Variants in GPSM2 observed in about 807,000 individuals in gnomAD.
GPSM2 encodes G protein signaling modulator 2.
GPSM2 carries 58 observed loss-of-function variants against 78.4 expected under a neutral mutation model. The observed-to-expected ratio is 0.74, with a 90% CI of 0.60 to 0.92. GPSM2 has a LOEUF of 0.92. Among genes scored for constraint, GPSM2 ranks in the 40% least tolerant of loss-of-function variants. The probability of loss-of-function intolerance (pLI) is 0.00; values close to 1 mark genes in which losing one functional copy is unlikely to be tolerated. For missense variants in GPSM2, 700 were observed against 815.5 expected (o/e 0.86, Z 1.73); for synonymous variants, 224 against 280.2 (o/e 0.80, Z 2.00).
chr1:108,897,509 TG>T lies in GPSM2; in HGVS notation c.301del (p.Glu101LysfsTer12), dbSNP rs36018922. On this transcript the variant is annotated frameshift_variant, in exon 4 of 15. Transcript: ENST00000264126. LOFTEE classifies it high-confidence loss of function. ...TTTTTCAGGACTATTGGAGACCAGC[TG>T]GGGGAAGCGAAAGCTAGTGGTAATC... is the stretch of plus-strand genomic sequence containing the variant. Reference protein sequence around the residue: ...LTLARTIGDQLGEAKASGNLG... With the variant: ...LTLARTIGDQXGEAKASGNLG... 1 of 1,613,436 alleles carries T rather than the reference TG, an allele frequency of 6.2e-7. No homozygotes were observed. Among genetic ancestry groups the T allele is most frequent in the Non-Finnish European group, 8.5e-7 (1 of 1,179,722 alleles).
At position 108,931,890 on chromosome 1, in the gene GPSM2, AG is replaced by A. The variant is rs1420852852; in HGVS notation, c.*1951del. The A allele has an allele frequency of 1.2e-5, 2 of 160,222 alleles. No individual in the cohort carries two copies. The highest frequency in any genetic ancestry group is 2.7e-5 in the Non-Finnish European group (2 of 73,022). 9.9% of individuals were successfully genotyped at this position (160,222 alleles called of 1,614,324 possible). On this transcript the variant is annotated 3_prime_UTR_variant, in exon 15 of 15. Coordinates refer to ENST00000264126, the MANE Select transcript of GPSM2 (RefSeq NM_013296.5). Reference sequence around the variant, plus strand: ...TTGTGTATTATTTTGTGTATACAATAGTTCTTACAGCCTGTAAACATTCAAC... The same window carrying A: ...TTGTGTATTATTTTGTGTATACAATATTCTTACAGCCTGTAAACATTCAAC...
intron 10 of GPSM2, among the ~76,000 whole-genome samples, chr1:108,912,214 G>A (rs926274944): frequency 6.6e-6 from 1 of 152,072 alleles, no homozygotes; most frequent in African/African-American, 2.4e-5. Context: ...TTATTCATAA[G>A]TTTATATGAA....
chr1:108,928,618 G>T (rs569171786), intron 14 of GPSM2, among the ~76,000 whole-genome samples: 1 of 152,226 alleles, frequency 6.6e-6, no homozygotes, highest in African/African-American at 2.4e-5. Context: ...TACAATGCCA[G>T]AAACTATGGT....
chr1:108,918,282 T>C lies in GPSM2; in HGVS notation c.1264-331T>C, dbSNP rs12034212. Among the ~76,000 whole-genome samples the C allele has an allele frequency of 3.8e-4, 58 of 152,326 alleles. 1 individual carries two copies. In the East Asian group the frequency reaches 6.4e-3, roughly 17 times the overall value. On this transcript the variant is annotated intron_variant, in intron 11 of 14. Transcript: ENST00000264126. ...ATTCCAGTTGTAACAGATTTTTAAG[T>C]AACTCACGTCTAGAGTAAAACTTTG... is the stretch of plus-strand genomic sequence containing the variant.
intron 11 of GPSM2, among the ~76,000 whole-genome samples, chr1:108,917,886 A>T (rs986517531): frequency 6.6e-6 from 1 of 151,484 alleles, no homozygotes; most frequent in Non-Finnish European, 1.5e-5. Flanking sequence ...AGTAGGGTTT[A>T]TATGGCTTCC....
chr1:108,918,633 A>C lies in GPSM2; in HGVS notation c.1284A>C (p.Glu428Asp). 2 of 1,613,474 alleles carry C rather than the reference A, an allele frequency of 1.2e-6. No individual in the cohort carries two copies. Among genetic ancestry groups the C allele is most frequent in the African/African-American group, 1.3e-5 (1 of 75,036 alleles). Residue 428 changes from glutamate (E) to aspartate (D), a missense_variant, in exon 12 of 15, where the codon GAA (glutamate) becomes GAC (aspartate). Physicochemically the swap from Glu to Asp is conservative, Grantham distance 45. Coordinates refer to ENST00000264126, the MANE Select transcript of GPSM2 (RefSeq NM_013296.5). ...TGTAGGTACAGAACTGGAACAGTGAAATTCTTGCTAAGCAAAAACCTCTTA... is the reference window on the plus strand; with the variant it reads ...TGTAGGTACAGAACTGGAACAGTGACATTCTTGCTAAGCAAAAACCTCTTA... ...TPEKVQNWNS[E>D]ILAKQKPLIA... is the part of the protein sequence containing the mutation.
chr1:108,914,864 G>A (rs764053057), intron 11 of GPSM2, among the ~76,000 whole-genome samples: 7 of 152,134 alleles, frequency 4.6e-5, no homozygotes, highest in Admixed American at 4.6e-4. Context: ...TGAAATTTAT[G>A]ATCAAGAGGA....
intron 10 of GPSM2, 66 bp from the exon 11 acceptor site, chr1:108,914,272 A>C: frequency 9.7e-7 from 1 of 1,027,448 alleles, no homozygotes; most frequent in Non-Finnish European, 1.5e-6. Flanking sequence ...TGAATAATGT[A>C]ATGATGCTGA....
Position 108,918,748 on chromosome 1 carries a change from G to T in GPSM2, c.1399G>T (p.Ala467Ser), listed in dbSNP as rs1323969246. Residue 467 changes from alanine to serine, a missense_variant, in exon 12 of 15, where the codon GCC becomes TCC. Coordinates refer to ENST00000264126, the MANE Select transcript of GPSM2 (RefSeq NM_013296.5). ...TTCCTCCACTAAAGTTCTCCAAGAT[G>T]CCAGTAATTCTATTGACCACCGAAT... ...TNSSTKVLQD[A>S]SNSIDHRIPN... 1 of 1,613,488 alleles carries T rather than the reference G, an allele frequency of 6.2e-7. No individual in the cohort carries two copies. The highest frequency in any genetic ancestry group is 1.7e-5 in the Admixed American group (1 of 60,000).
chr1:108,894,101 T>C (rs951968583), intron 2 of GPSM2, among the ~76,000 whole-genome samples: 1 of 152,190 alleles, frequency 6.6e-6, no homozygotes, highest in South Asian at 2.1e-4. Context: ...TCTTTATACA[T>C]AGAATATGAC....
intron 10 of GPSM2, among the ~76,000 whole-genome samples, chr1:108,905,158 T>C (rs1283568737): frequency 6.6e-6 from 1 of 152,210 alleles, no homozygotes; most frequent in Non-Finnish European, 1.5e-5. Flanking sequence ...AATTTGTGAC[T>C]GCGTGCTTTG....
intron 11 of GPSM2, among the ~76,000 whole-genome samples, chr1:108,918,028 A>T (rs1330803446): frequency 1.3e-5 from 2 of 152,122 alleles, no homozygotes; most frequent in African/African-American, 4.8e-5. Flanking sequence ...TAAAGCTGCA[A>T]ATGTCAGAGC....
At chr1:108,903,388 G>A (rs1211579852) in intron 9 of GPSM2, among the ~76,000 whole-genome samples, 154 bp downstream of exon 9, 1 of 152,142 alleles carries the variant, frequency 6.6e-6, no homozygotes, top group Admixed American at 6.5e-5. Flanking sequence ...AAAGCATTTT[G>A]AGGTACAGAT....
At chr1:108,898,493 T>A in intron 5 of GPSM2, 149 bp from the exon 6 acceptor site, 1 of 683,674 alleles carries the variant, frequency 1.5e-6, no homozygotes, top group Non-Finnish European at 2.5e-6. Context: ...ATAATTGCTC[T>A]TCATCATAGA....
At chr1:108,906,451 G>A (rs1255325158) in intron 10 of GPSM2, among the ~76,000 whole-genome samples, 1 of 151,286 alleles carries the variant, frequency 6.6e-6, no homozygotes, top group Non-Finnish European at 1.5e-5. Context: ...AACAATCTTA[G>A]TATAAGCTAC....
intron 1 of GPSM2, 25 bp downstream of exon 1, chr1:108,877,253 C>T (rs34254854): frequency 0.091 from 13,918 of 152,256 alleles, 691 homozygotes; most frequent in Non-Finnish European, 0.1. Flanking sequence ...GACGCGGGTT[C>T]TGAGGCGTTT....
chr1:108,895,477 G>A (rs1648284198), intron 2 of GPSM2, among the ~76,000 whole-genome samples: 1 of 152,170 alleles, frequency 6.6e-6, no homozygotes, highest in Non-Finnish European at 1.5e-5. Context: ...TAGCCTGTTA[G>A]GAGGTAAGCT....
chr1:108,933,093 A>G lies in GPSM2; in HGVS notation c.*3153A>G, dbSNP rs376189632. On this transcript the variant is annotated 3_prime_UTR_variant, in exon 15 of 15. Coordinates refer to ENST00000264126, the MANE Select transcript of GPSM2 (RefSeq NM_013296.5). ...CTTGAACAACTGAGCTTAAGCGATC[A>G]TCCTCCCTCAACCTTCCAAAGTGCT... 1.3e-5 allele frequency: 2 copies of G among 152,148 alleles called. No individual in the cohort carries two copies. The highest frequency in any genetic ancestry group is 4.8e-5 in the African/African-American group (2 of 41,408). 9.4% of individuals were successfully genotyped at this position (152,148 alleles called of 1,614,324 possible).
chr1:108,894,506 T>C (rs1245504014), intron 2 of GPSM2, among the ~76,000 whole-genome samples: 1 of 152,206 alleles, frequency 6.6e-6, no homozygotes, highest in Non-Finnish European at 1.5e-5. Context: ...GAGACCAGCC[T>C]GGCCAACATG....
Sources: allele counts gnomAD v4.1 joint callset (sites outside exome capture counted in the v4.1 genomes callset), GRCh38; gene constraint gnomAD v4.1.1; transcripts MANE v1.5; gene names NCBI Gene and HGNC (gene_info 2026-07-23, HGNC 2026-07-21).